CNTN5: variants seen among roughly 807,000 people sequenced by gnomAD.
CNTN5 encodes the protein contactin-5.
Under a neutral mutation model 129.1 loss-of-function variants are expected in CNTN5, and 77 were observed. That is an observed-to-expected ratio of 0.60 (90% CI 0.50 to 0.72). The LOEUF is 0.72. Ranked by LOEUF, CNTN5 falls within the 30% of genes least tolerant of loss-of-function variation. CNTN5 has a pLI of 0.00. For missense variants in CNTN5, 1,478 were observed against 1,328.8 expected, an observed-to-expected ratio of 1.11 and a Z score of -1.75; for synonymous variants, 509 against 465.6, an observed-to-expected ratio of 1.09 and a Z score of -1.20.
chr11:99,962,059 T>C (rs1017077408), intron 8 of CNTN5, among the ~76,000 whole-genome samples: 25 of 152,194 alleles, frequency 1.6e-4, no homozygotes, highest in African/African-American at 5.3e-4. Context: ...CTTGTGCTTA[T>C]AGAGTGATTA....
chr11:99,597,937 T>C (rs1950174990), intron 3 of CNTN5, among the ~76,000 whole-genome samples: 1 of 152,136 alleles, frequency 6.6e-6, no homozygotes. Flanking sequence ...CAGGGATTCC[T>C]TCCCAGGTTG....
At chr11:100,244,543 C>CT (rs895501169) in intron 16 of CNTN5, among the ~76,000 whole-genome samples, 1 of 152,044 alleles carries the variant, frequency 6.6e-6, no homozygotes, top group Non-Finnish European at 1.5e-5. Context: ...TCCTACAATC[C>CT]TTTTAGGCCT....
chr11:99,578,016 C>A (rs945004570), intron 3 of CNTN5, among the ~76,000 whole-genome samples: 1 of 131,640 alleles, frequency 7.6e-6, no homozygotes, highest in African/African-American at 2.9e-5. Context: ...GTGTGATGTT[C>A]CCCTTCCAGT....
intron 15 of CNTN5, among the ~76,000 whole-genome samples, chr11:100,200,000 G>A (rs1244210735): frequency 1.3e-5 from 2 of 151,926 alleles, no homozygotes; most frequent in African/African-American, 4.8e-5. Context: ...ATTAAATACT[G>A]CATAAAATTC....
intron 7 of CNTN5, among the ~76,000 whole-genome samples, chr11:99,954,180 G>A (rs1460070728): frequency 1.3e-5 from 2 of 152,018 alleles, no homozygotes; most frequent in African/African-American, 4.8e-5. Flanking sequence ...TAGAAAAATG[G>A]GGAAAAAAAT....
At chr11:99,541,218 C>T (rs1476627335) in intron 2 of CNTN5, among the ~76,000 whole-genome samples, 1 of 152,116 alleles carries the variant, frequency 6.6e-6, no homozygotes. Context: ...AGTGGGCATG[C>T]CTGAAACTTC....
intron 3 of CNTN5, among the ~76,000 whole-genome samples, chr11:99,766,565 G>A (rs1363670556): frequency 1.3e-5 from 2 of 151,988 alleles, no homozygotes; most frequent in Non-Finnish European, 1.5e-5. Flanking sequence ...CTTATCAAAA[G>A]AGAATATAGG....
At chr11:99,552,071 C>T (rs922437868) in intron 2 of CNTN5, among the ~76,000 whole-genome samples, 7 of 152,042 alleles carry the variant, frequency 4.6e-5, no homozygotes, top group Admixed American at 2.6e-4. Context: ...CCAGGCCTAG[C>T]TAATTTCTGT....
intron 2 of CNTN5, among the ~76,000 whole-genome samples, chr11:99,506,363 C>G (rs1299650730): frequency 1.3e-5 from 2 of 152,184 alleles, no homozygotes; most frequent in Non-Finnish European, 2.9e-5. Context: ...GCATCTTGCT[C>G]TCTGTTTACA....
At chr11:99,717,161 T>C (rs1484740154) in intron 3 of CNTN5, among the ~76,000 whole-genome samples, 1 of 152,096 alleles carries the variant, frequency 6.6e-6, no homozygotes, top group Non-Finnish European at 1.5e-5. Context: ...TTTCTGTCCT[T>C]TTGTAATAAT....
intron 16 of CNTN5, among the ~76,000 whole-genome samples, chr11:100,250,671 C>T (rs1218945760): frequency 6.6e-6 from 1 of 151,886 alleles, no homozygotes; most frequent in African/African-American, 2.4e-5. Context: ...TTCTAAGAAC[C>T]ATATTTGGGC....
At chr11:99,082,319 G>C (rs966028232) in intron 1 of CNTN5, among the ~76,000 whole-genome samples, 4 of 151,928 alleles carry the variant, frequency 2.6e-5, no homozygotes, top group Non-Finnish European at 5.9e-5. Flanking sequence ...TGAGTAGCTG[G>C]GACTACAGGC....
chr11:99,556,374 A>T, intron 3 of CNTN5, 105 bp downstream of exon 3: 1 of 666,596 alleles, frequency 1.5e-6, no homozygotes, highest in Non-Finnish European at 2.5e-6. Context: ...ATTTAAATTT[A>T]TATCAGTATT....
At chr11:99,562,157 A>C (rs2135553214) in intron 3 of CNTN5, among the ~76,000 whole-genome samples, 1 of 152,322 alleles carries the variant, frequency 6.6e-6, no homozygotes, top group Admixed American at 6.5e-5. Context: ...TAATCAATAA[A>C]GCAGGCATTG....
At position 99,672,166 on chromosome 11, in the gene CNTN5, T is replaced by C. The variant is rs76849989; in HGVS notation, c.55+115897T>C. The stretch of plus-strand genomic sequence containing the variant: ...GTAATTTCACCCTCTTCGAAAACCC[T>C]ACTCTGCCCCATCAAAACTGCCCAT... On this transcript the variant is annotated intron_variant, in intron 3 of 24. Coordinates refer to ENST00000524871, the MANE Select transcript of CNTN5 (RefSeq NM_014361.4). 1.5e-3 allele frequency among the ~76,000 whole-genome samples: 232 copies of C among 152,286 alleles called. 2 individuals are homozygous for C. The East Asian group carries it at 0.034, about 22-fold the overall frequency.
Position 99,100,470 on chromosome 11 carries a change from GT to G in CNTN5, c.-210+79206del, listed in dbSNP as rs1473485301. On this transcript the variant is annotated intron_variant, in intron 1 of 24. Transcript: ENST00000524871. ...ATATATTGTTTTTTGGCTTTCATTTGTTTTTTACTCTATATTAAATATTGTA... is the reference window on the plus strand; with the variant it reads ...ATATATTGTTTTTTGGCTTTCATTTGTTTTTACTCTATATTAAATATTGTA... Among the ~76,000 whole-genome samples the G allele has an allele frequency of 2.6e-5, 4 of 151,878 alleles. No homozygotes were observed. The East Asian group carries it at 5.8e-4, about 22-fold the overall frequency.
intron 9 of CNTN5, among the ~76,000 whole-genome samples, chr11:100,044,183 T>C (rs572169707): frequency 7.2e-6 from 1 of 139,616 alleles, no homozygotes; most frequent in Admixed American, 7.1e-5. Context: ...TATATATATA[T>C]ACGTGATATG....
At chr11:99,144,030 A>T (rs1859659741) in intron 1 of CNTN5, among the ~76,000 whole-genome samples, 1 of 152,188 alleles carries the variant, frequency 6.6e-6, no homozygotes, top group South Asian at 2.1e-4. Flanking sequence ...TGAAATTATG[A>T]AATCATAATG....
intron 3 of CNTN5, among the ~76,000 whole-genome samples, chr11:99,699,857 C>T (rs1954441994): frequency 6.6e-6 from 1 of 151,196 alleles, no homozygotes; most frequent in African/African-American, 2.4e-5. Context: ...ATAATAGGTC[C>T]CTATTGCTAA....
Sources: allele counts gnomAD v4.1 joint callset (sites outside exome capture counted in the v4.1 genomes callset), GRCh38; gene constraint gnomAD v4.1.1; transcripts MANE v1.5; gene names NCBI Gene and HGNC (gene_info 2026-07-23, HGNC 2026-07-21).